MELK: variants seen among roughly 807,000 people sequenced by gnomAD.
The protein encoded by MELK is maternal embryonic leucine zipper kinase, also known as pEg3 kinase.
A neutral mutation model predicts 85.0 loss-of-function variants in MELK; 81 were observed. The observed-to-expected ratio is 0.95, with a 90% CI of 0.80 to 1.15. MELK has a LOEUF of 1.15. MELK is among the 50% of genes most tolerant of loss of function. The pLI, the probability that MELK is intolerant of heterozygous loss-of-function variation, is 0.00. For missense variants in MELK, 754 were observed against 777.5 expected, an observed-to-expected ratio of 0.97 and a Z score of 0.36; for synonymous variants, 252 against 265.0, an observed-to-expected ratio of 0.95 and a Z score of 0.48.
intron 9 of MELK, among the ~76,000 whole-genome samples, chr9:36,630,659 A>G (rs1005856533): frequency 2.6e-5 from 4 of 152,058 alleles, no homozygotes; most frequent in Non-Finnish European, 4.4e-5. Flanking sequence ...TGATTGATTG[A>G]TTGATGGAGA....
chr9:36,609,171 A>G (rs1274659645), intron 8 of MELK, among the ~76,000 whole-genome samples: 2 of 152,084 alleles, frequency 1.3e-5, no homozygotes, highest in African/African-American at 4.8e-5. Context: ...TCTTTTTGGG[A>G]TGATGAAAAC....
chr9:36,653,568 C>G (rs1489302692), intron 12 of MELK, among the ~76,000 whole-genome samples: 1 of 152,192 alleles, frequency 6.6e-6, no homozygotes, highest in African/African-American at 2.4e-5. Context: ...TAAAATTCAG[C>G]TATCCAAATA....
intron 8 of MELK, among the ~76,000 whole-genome samples, chr9:36,615,339 G>T (rs1184653769): frequency 3.9e-5 from 5 of 129,684 alleles, no homozygotes; most frequent in Non-Finnish European, 1.6e-5. Flanking sequence ...CTGGCCGGGC[G>T]GGGGGCTGAC....
chr9:36,576,802 G>A (rs1449555733), intron 1 of MELK, among the ~76,000 whole-genome samples: 1 of 152,140 alleles, frequency 6.6e-6, no homozygotes, highest in Non-Finnish European at 1.5e-5. Context: ...AAAGTGCTAG[G>A]ATTACAGGCG....
In MELK at chr9:36,614,445, A is replaced by ATTTTTTTT. The variant is rs1564162098; in HGVS notation, c.666+6775_666+6776insTTTTTTTT. Among the ~76,000 whole-genome samples, 9 of 88,906 alleles carry ATTTTTTTT rather than the reference A, an allele frequency of 1.0e-4. No individual in the cohort carries two copies. The East Asian group carries it at 1.1e-3, about 11-fold the overall frequency. The allele number at this position is 88,906 out of a possible 152,430, so 58.3% of individuals were successfully genotyped here. A position where few individuals can be genotyped will look rare whatever the true frequency, so the allele number is the denominator to read the frequency against. Reference sequence around the variant, plus strand: ...TTTGGGTTTTTTTTTTTTTTTTTTAATTTATTTTTTTATTGATAATTCTTG... The same window carrying ATTTTTTTT: ...TTTGGGTTTTTTTTTTTTTTTTTTAATTTTTTTTTTTATTTTTTTATTGATAATTCTTG... On this transcript the variant is annotated intron_variant, in intron 8 of 17. Coordinates refer to ENST00000298048, the MANE Select transcript of MELK (RefSeq NM_014791.4).
At chr9:36,596,028 C>G (rs922148469) in intron 5 of MELK, among the ~76,000 whole-genome samples, 2 of 151,830 alleles carry the variant, frequency 1.3e-5, no homozygotes, top group African/African-American at 4.8e-5. Context: ...GTTGGCCAGG[C>G]TGGTTTCAAA....
chr9:36,639,615 G>A lies in MELK; in HGVS notation c.835-3382G>A, dbSNP rs371953575. ...TTTTGTACTTAATTTGAGTATGTGT[G>A]GCTGAGGATTCAGAGCGCTTTAAGT... On this transcript the variant is annotated intron_variant, in intron 10 of 17. Coordinates refer to ENST00000298048, the MANE Select transcript of MELK (RefSeq NM_014791.4). Among the ~76,000 whole-genome samples the A allele has an allele frequency of 6.6e-5, 10 of 152,324 alleles. 1 individual carries two copies. In the South Asian group the frequency reaches 1.9e-3, roughly 28 times the overall value.
chr9:36,637,794 A>G (rs2136752254), intron 10 of MELK, among the ~76,000 whole-genome samples: 1 of 152,360 alleles, frequency 6.6e-6, no homozygotes, highest in South Asian at 2.1e-4. Flanking sequence ...CCCACTATTA[A>G]TGGGCCATGT....
chr9:36,609,626 T>G (rs534967413), intron 8 of MELK, among the ~76,000 whole-genome samples: 3 of 152,012 alleles, frequency 2.0e-5, no homozygotes, highest in African/African-American at 7.2e-5. Flanking sequence ...TTAAAAAAAT[T>G]TTTTTGTAGA....
At chr9:36,580,318 G>T (rs541520816) in intron 1 of MELK, among the ~76,000 whole-genome samples, 1 of 146,138 alleles carries the variant, frequency 6.8e-6, no homozygotes, top group Non-Finnish European at 1.5e-5. Context: ...GTGAGCCACC[G>T]CACCCGGCCT....
At chr9:36,616,756 G>T (rs1286947513) in intron 8 of MELK, among the ~76,000 whole-genome samples, 1 of 150,922 alleles carries the variant, frequency 6.6e-6, no homozygotes, top group Admixed American at 6.6e-5. Flanking sequence ...ATTTTTTTCA[G>T]ACATTAGCCT....
chr9:36,626,927 C>T (rs1468176118), intron 8 of MELK, among the ~76,000 whole-genome samples: 1 of 149,012 alleles, frequency 6.7e-6, no homozygotes, highest in Non-Finnish European at 1.5e-5. Context: ...CATTGCATTC[C>T]AGCCTGGGCA....
intron 12 of MELK, among the ~76,000 whole-genome samples, chr9:36,653,784 T>TAA (rs368916467): frequency 2.0e-5 from 3 of 147,454 alleles, no homozygotes; most frequent in East Asian, 2.0e-4. Flanking sequence ...CTCAAAACTG[T>TAA]AAAAAAAAAA....
At chr9:36,667,270 C>G (rs1832472149) in intron 14 of MELK, among the ~76,000 whole-genome samples, 1 of 151,938 alleles carries the variant, frequency 6.6e-6, no homozygotes, top group South Asian at 2.1e-4. Context: ...ATTCTCCTGC[C>G]TCAGCCTCCC....
intron 8 of MELK, among the ~76,000 whole-genome samples, chr9:36,613,371 A>T (rs1826235334): frequency 6.6e-6 from 1 of 152,224 alleles, no homozygotes; most frequent in Non-Finnish European, 1.5e-5. Context: ...CAAACACCTA[A>T]TATGTGCCAG....
chr9:36,610,787 T>G (rs985044081), intron 8 of MELK, among the ~76,000 whole-genome samples: 3 of 152,234 alleles, frequency 2.0e-5, no homozygotes, highest in African/African-American at 7.2e-5. Flanking sequence ...AAGTGGTCTT[T>G]GGGCAGCTCA....
chr9:36,674,758 G>A, intron 16 of MELK, 76 bp from the exon 17 acceptor site: 1 of 826,180 alleles, frequency 1.2e-6, no homozygotes. Context: ...AGGAGTTTTG[G>A]AACTCTTGAT....
chr9:36,635,721 A>G (rs1240030273), intron 10 of MELK, among the ~76,000 whole-genome samples: 3 of 152,198 alleles, frequency 2.0e-5, no homozygotes, highest in African/African-American at 7.2e-5. Flanking sequence ...ATATGTAAAA[A>G]AACATAAACA....
At position 36,677,455 on chromosome 9, in the gene MELK, T is replaced by C. The variant is rs1309776213; in HGVS notation, c.*118T>C. On this transcript the variant is annotated 3_prime_UTR_variant, in exon 18 of 18. Coordinates refer to ENST00000298048, the MANE Select transcript of MELK (RefSeq NM_014791.4). ...AACTACCAACTTGTTTCTAAAGAGC[T>C]ATCTTAAGACCAATATCTCTTTGTT... 24 of 887,292 alleles carry C rather than the reference T, an allele frequency of 2.7e-5. No individual in the cohort carries two copies. The highest frequency in any genetic ancestry group is 3.6e-5 in the Non-Finnish European group (22 of 617,712). The allele number at this position is 887,292 out of a possible 1,614,324, so 55.0% of individuals were successfully genotyped here.
Sources: allele counts gnomAD v4.1 joint callset (sites outside exome capture counted in the v4.1 genomes callset), GRCh38; gene constraint gnomAD v4.1.1; transcripts MANE v1.5; gene names NCBI Gene and HGNC (gene_info 2026-07-23, HGNC 2026-07-21).